TFDP2: variants seen among roughly 807,000 people sequenced by gnomAD.
TFDP2 encodes transcription factor Dp-2.
Under a neutral mutation model 59.3 loss-of-function variants are expected in TFDP2, and 17 were observed. The ratio of observed to expected loss-of-function variants is 0.29; its 90% CI spans 0.20 to 0.43. The LOEUF (loss-of-function observed/expected upper bound fraction) is 0.43. TFDP2 is among the 20% of genes least tolerant of loss of function. The probability of loss-of-function intolerance (pLI) is 1.00; values close to 1 mark genes in which losing one functional copy is unlikely to be tolerated. For synonymous variants in TFDP2, 180 were observed against 194.7 expected (o/e 0.92, Z 0.63); for missense variants, 391 against 528.8 (o/e 0.74, Z 2.56).
At chr3:142,108,042 A>C (rs190582509) in intron 1 of TFDP2, among the ~76,000 whole-genome samples, 55 of 152,258 alleles carry the variant, frequency 3.6e-4, no homozygotes, top group Non-Finnish European at 6.2e-4. Flanking sequence ...GTTGCGTGAA[A>C]GTTGATTACA....
At chr3:142,138,284 C>T (rs1302997423) in intron 1 of TFDP2, among the ~76,000 whole-genome samples, 3 of 152,184 alleles carry the variant, frequency 2.0e-5, no homozygotes, top group East Asian at 3.9e-4. Context: ...GTCTTGCTAG[C>T]GGTCTATCAA....
intron 6 of TFDP2, among the ~76,000 whole-genome samples, chr3:141,986,806 T>C (rs1942151415): frequency 6.6e-6 from 1 of 152,222 alleles, no homozygotes; most frequent in Admixed American, 6.5e-5. Context: ...TTGCCAAACT[T>C]AGCACTGTCT....
At chr3:142,075,593 T>TA (rs1010009674) in intron 3 of TFDP2, among the ~76,000 whole-genome samples, 2 of 151,884 alleles carry the variant, frequency 1.3e-5, no homozygotes, top group African/African-American at 2.4e-5. Flanking sequence ...GAGATACTTT[T>TA]AAAAAAATAT....
At chr3:142,092,245 T>C (rs1481874186) in intron 3 of TFDP2, among the ~76,000 whole-genome samples, 1 of 152,208 alleles carries the variant, frequency 6.6e-6, no homozygotes, top group East Asian at 1.9e-4. Flanking sequence ...CATGTATCTC[T>C]ATATACCACA....
intron 6 of TFDP2, among the ~76,000 whole-genome samples, chr3:141,992,684 A>G (rs1942902479): frequency 6.6e-6 from 1 of 152,210 alleles, no homozygotes; most frequent in African/African-American, 2.4e-5. Flanking sequence ...GAAGCAAACA[A>G]CAAAAGCCAC....
rs1167016477 is a variant in TFDP2 at position 141,952,573 on chromosome 3, G to A, written c.1281C>T (p.Pro427=). 3 of 1,568,474 alleles carry A rather than the reference G, an allele frequency of 1.9e-6. No individual in the cohort carries two copies. The highest frequency in any genetic ancestry group is 2.6e-6 in the Non-Finnish European group (3 of 1,167,058). Residue 427 remains proline, a synonymous_variant, in exon 13 of 13, where the codon CCC becomes CCT. Transcript: ENST00000489671. The part of the protein sequence containing the change: ...SHCSESRGET[P]CSFNDEDEED... ...CCTCATCTTCATCATTGAACGAACA[G>A]GGGGTCTCGCCTCGGGACTCGGAGC... is the stretch of plus-strand genomic sequence containing the variant.
At chr3:142,007,400 C>CA (rs2108275970) in intron 3 of TFDP2, among the ~76,000 whole-genome samples, 1 of 152,236 alleles carries the variant, frequency 6.6e-6, no homozygotes, top group East Asian at 1.9e-4. Context: ...ATCTTCACTC[C>CA]ATCTCCTCCT....
chr3:141,966,624 T>C (rs1228047245), intron 9 of TFDP2, among the ~76,000 whole-genome samples: 1 of 151,812 alleles, frequency 6.6e-6, no homozygotes, highest in African/African-American at 2.4e-5. Flanking sequence ...TTCAAACTCA[T>C]TAACATCTAT....
intron 3 of TFDP2, among the ~76,000 whole-genome samples, chr3:142,065,548 G>C (rs2060048812): frequency 6.6e-6 from 1 of 151,420 alleles, no homozygotes; most frequent in East Asian, 1.9e-4. Context: ...GTCTCACGCT[G>C]TCGCCTAGGC....
intron 3 of TFDP2, among the ~76,000 whole-genome samples, chr3:142,071,094 G>A (rs1342367547): frequency 6.6e-6 from 1 of 152,106 alleles, no homozygotes; most frequent in Non-Finnish European, 1.5e-5. Context: ...AAGCAGTTCA[G>A]TGTGGCAGAA....
chr3:142,025,212 G>A (rs1431960529), intron 3 of TFDP2, among the ~76,000 whole-genome samples: 1 of 152,012 alleles, frequency 6.6e-6, no homozygotes, highest in South Asian at 2.1e-4. Context: ...GTTTCTCATA[G>A]AGTATAAATC....
intron 3 of TFDP2, among the ~76,000 whole-genome samples, chr3:142,026,150 T>C (rs1946071759): frequency 6.6e-6 from 1 of 151,640 alleles, no homozygotes; most frequent in Non-Finnish European, 1.5e-5. Flanking sequence ...GGTCAGGAGA[T>C]TGAGACCATC....
chr3:142,149,283 C>T lies in TFDP2; in HGVS notation c.-193G>A. Reference sequence around the variant, plus strand: ...CGCTTCTGTGGCGCCCGCGCTTAGGCGGCGGCCGGGTCCCGGTGGACTCAC... The same window carrying T: ...CGCTTCTGTGGCGCCCGCGCTTAGGTGGCGGCCGGGTCCCGGTGGACTCAC... On this transcript the variant is annotated 5_prime_UTR_variant, in exon 1 of 13. Coordinates refer to ENST00000489671, the MANE Select transcript of TFDP2 (RefSeq NM_001178139.2). 2 of 396,282 alleles carry T rather than the reference C, an allele frequency of 5.0e-6. No individual in the cohort carries two copies. Among genetic ancestry groups the T allele is most frequent in the Non-Finnish European group, 8.9e-6 (2 of 224,510 alleles). The allele number at this position is 396,282 out of a possible 1,614,324, so 24.5% of individuals were successfully genotyped here.
intron 2 of TFDP2, among the ~76,000 whole-genome samples, chr3:142,094,530 C>G (rs918258878): frequency 6.6e-6 from 1 of 152,042 alleles, no homozygotes; most frequent in African/African-American, 2.4e-5. Flanking sequence ...GTCTCGAACT[C>G]CTGACCTCAA....
intron 3 of TFDP2, chr3:142,028,729 T>C (rs1946275581): frequency 1.0e-6 from 1 of 985,320 alleles, no homozygotes; most frequent in East Asian, 1.1e-4. Context: ...ACTAAAAAGA[T>C]GCTCAAGAAA....
At chr3:142,104,245 C>A (rs73233880) in intron 1 of TFDP2, among the ~76,000 whole-genome samples, 12,965 of 152,208 alleles carry the variant, frequency 0.085, 694 homozygotes, top group Middle Eastern at 0.14. Context: ...TACGTCCTCT[C>A]TAGTGATATA....
intron 1 of TFDP2, among the ~76,000 whole-genome samples, chr3:142,128,400 G>T (rs1405092139): frequency 6.6e-6 from 1 of 152,098 alleles, no homozygotes; most frequent in Non-Finnish European, 1.5e-5. Context: ...CAAAACAATC[G>T]GCCTGGGACT....
Position 142,047,521 on chromosome 3 carries a change from C to T in TFDP2, c.83-41977G>A, listed in dbSNP as rs1203266948. 8.5e-5 allele frequency among the ~76,000 whole-genome samples: 13 copies of T among 152,138 alleles called. No individual in the cohort carries two copies. The East Asian group carries it at 2.5e-3, about 29-fold the overall frequency. ...TCCCCCTATTTTGCCTTTCAAACTC[C>T]ACTTGTAACTGCTGCTAACAGGAGT... On this transcript the variant is annotated intron_variant, in intron 3 of 12. Transcript: ENST00000489671.
At chr3:142,026,026 CT>C (rs113575585) in intron 3 of TFDP2, among the ~76,000 whole-genome samples, 123 of 152,294 alleles carry the variant, frequency 8.1e-4, no homozygotes, top group African/African-American at 2.1e-3. Flanking sequence ...AAAAGAAAAT[CT>C]TCTGGCCGGC....
Sources: allele counts gnomAD v4.1 joint callset (sites outside exome capture counted in the v4.1 genomes callset), GRCh38; gene constraint gnomAD v4.1.1; transcripts MANE v1.5; gene names NCBI Gene and HGNC (gene_info 2026-07-23, HGNC 2026-07-21).